Variants in BBS9 observed in about 807,000 individuals in gnomAD.
BBS9 encodes the protein Bardet-Biedl syndrome 9.
BBS9 carries 89 observed loss-of-function variants against 117.7 expected under a neutral mutation model. The ratio of observed to expected loss-of-function variants is 0.76; its 90% CI spans 0.64 to 0.90. The LOEUF is 0.90. Among genes scored for constraint, BBS9 ranks in the 40% least tolerant of loss-of-function variants. BBS9 has a pLI of 0.00. For missense variants in BBS9, 982 were observed against 1,042.2 expected, an observed-to-expected ratio of 0.94 and a Z score of 0.80; for synonymous variants, 379 against 370.9, an observed-to-expected ratio of 1.02 and a Z score of -0.25.
At chr7:33,280,755 T>C (rs1315599558) in intron 9 of BBS9, among the ~76,000 whole-genome samples, 1 of 152,044 alleles carries the variant, frequency 6.6e-6, no homozygotes, top group Admixed American at 6.6e-5. Flanking sequence ...CCTTATAAGA[T>C]CTCTTAGTTG....
intron 21 of BBS9, among the ~76,000 whole-genome samples, chr7:33,617,007 A>G (rs927050910): frequency 2.7e-4 from 41 of 152,150 alleles, no homozygotes; most frequent in Admixed American, 2.3e-3. Flanking sequence ...AATGGCCTCC[A>G]GCTCATTCAG....
At chr7:33,473,386 C>T (rs1416802481) in intron 19 of BBS9, among the ~76,000 whole-genome samples, 1 of 150,104 alleles carries the variant, frequency 6.7e-6, no homozygotes, top group African/African-American at 2.5e-5. Flanking sequence ...TGTAGTGGCA[C>T]AATCTTGGCT....
chr7:33,176,500 G>T (rs1476353850), intron 4 of BBS9, among the ~76,000 whole-genome samples: 1 of 152,020 alleles, frequency 6.6e-6, no homozygotes, highest in Non-Finnish European at 1.5e-5. Flanking sequence ...TGAACTTAAG[G>T]TGCTTCAATT....
At chr7:33,511,667 T>G (rs1846990623) in intron 20 of BBS9, among the ~76,000 whole-genome samples, 2 of 152,216 alleles carry the variant, frequency 1.3e-5, no homozygotes, top group Admixed American at 6.5e-5. Context: ...GAAGGAGACT[T>G]GGGCCTTCAG....
At chr7:33,306,809 G>A (rs905190053) in intron 9 of BBS9, among the ~76,000 whole-genome samples, 3 of 152,082 alleles carry the variant, frequency 2.0e-5, no homozygotes, top group Admixed American at 6.5e-5. Context: ...AGAATAATTT[G>A]TTTCATATTT....
chr7:33,287,991 C>T (rs1344879970), intron 9 of BBS9, among the ~76,000 whole-genome samples: 1 of 152,084 alleles, frequency 6.6e-6, no homozygotes, highest in Admixed American at 6.5e-5. Context: ...CACAGCTGCA[C>T]AGGTAAGAAA....
At chr7:33,180,714 A>T (rs981358844) in intron 5 of BBS9, among the ~76,000 whole-genome samples, 1 of 152,140 alleles carries the variant, frequency 6.6e-6, no homozygotes, top group Non-Finnish European at 1.5e-5. Flanking sequence ...ATTTGTTTGT[A>T]ACAATCTGGT....
intron 21 of BBS9, among the ~76,000 whole-genome samples, chr7:33,545,776 A>G (rs1853219018): frequency 6.6e-6 from 1 of 152,016 alleles, no homozygotes; most frequent in African/African-American, 2.4e-5. Context: ...AAATCCAACT[A>G]TTATTCAATA....
At chr7:33,622,228 A>C (rs762635450) in intron 21 of BBS9, among the ~76,000 whole-genome samples, 3 of 151,976 alleles carry the variant, frequency 2.0e-5, no homozygotes, top group Non-Finnish European at 2.9e-5. Flanking sequence ...CAAAAAAAAT[A>C]AATAAAAAAG....
chr7:33,381,978 G>A (rs1563092924), intron 17 of BBS9, among the ~76,000 whole-genome samples: 1 of 152,130 alleles, frequency 6.6e-6, no homozygotes, highest in Non-Finnish European at 1.5e-5. Flanking sequence ...CAGTTACCAT[G>A]GGGAACATAA....
At chr7:33,584,893 C>T (rs1563403494) in intron 21 of BBS9, among the ~76,000 whole-genome samples, 1 of 152,064 alleles carries the variant, frequency 6.6e-6, no homozygotes, top group Non-Finnish European at 1.5e-5. Context: ...AGTTCCCTTC[C>T]CTAAGATCAT....
At chr7:33,602,991 A>C (rs1864030838) in intron 21 of BBS9, among the ~76,000 whole-genome samples, 1 of 152,184 alleles carries the variant, frequency 6.6e-6, no homozygotes, top group African/African-American at 2.4e-5. Context: ...AGAACTAGGA[A>C]GTCTTCTATT....
chr7:33,500,418 G>A (rs1342150953), intron 19 of BBS9, among the ~76,000 whole-genome samples: 1 of 152,248 alleles, frequency 6.6e-6, no homozygotes, highest in African/African-American at 2.4e-5. Context: ...GACAGGATTA[G>A]AATCCTAGCC....
intron 21 of BBS9, among the ~76,000 whole-genome samples, chr7:33,546,867 G>T (rs1853463632): frequency 6.6e-6 from 1 of 152,144 alleles, no homozygotes; most frequent in African/African-American, 2.4e-5. Flanking sequence ...TTGTGTTATA[G>T]AGTACAATCA....
chr7:33,428,595 A>G (rs1408198352), intron 19 of BBS9, among the ~76,000 whole-genome samples: 1 of 152,200 alleles, frequency 6.6e-6, no homozygotes, highest in African/African-American at 2.4e-5. Context: ...TAGGGTACAC[A>G]TTCCTCATCT....
Position 33,322,219 on chromosome 7 carries a change from G to T in BBS9, c.1017-14222G>T, listed in dbSNP as rs76911583. 2.2e-3 allele frequency among the ~76,000 whole-genome samples: 333 copies of T among 152,030 alleles called. 3 individuals are homozygous for T. Among genetic ancestry groups the T allele is most frequent in the African/African-American group, 7.8e-3 (324 of 41,510 alleles). On this transcript the variant is annotated intron_variant, in intron 9 of 22. Transcript: ENST00000242067. Reference sequence around the variant, plus strand: ...TGTTTTTGCTTTATTTTGGTGTCAGGATAATACTGGTTTTGTAGAATGAGT... The same window carrying T: ...TGTTTTTGCTTTATTTTGGTGTCAGTATAATACTGGTTTTGTAGAATGAGT...
intron 19 of BBS9, among the ~76,000 whole-genome samples, chr7:33,472,259 G>GA (rs1160232746): frequency 2.0e-5 from 3 of 152,308 alleles, no homozygotes; most frequent in Middle Eastern, 3.4e-3. Flanking sequence ...AGTTCTGAGG[G>GA]AAAAGAAGTA....
chr7:33,499,945 C>G (rs1845215343), intron 19 of BBS9, among the ~76,000 whole-genome samples: 1 of 152,090 alleles, frequency 6.6e-6, no homozygotes, highest in Admixed American at 6.5e-5. Context: ...AATGAATCAT[C>G]CCCTTGAAAA....
At chr7:33,440,645 A>G (rs1463528102) in intron 19 of BBS9, among the ~76,000 whole-genome samples, 1 of 152,196 alleles carries the variant, frequency 6.6e-6, no homozygotes, top group Non-Finnish European at 1.5e-5. Flanking sequence ...TCATTCCTAA[A>G]CAAGTCATTT....
Sources: allele counts gnomAD v4.1 joint callset (sites outside exome capture counted in the v4.1 genomes callset), GRCh38; gene constraint gnomAD v4.1.1; transcripts MANE v1.5; gene names NCBI Gene and HGNC (gene_info 2026-07-23, HGNC 2026-07-21).